The following MGMT variants were observed in gnomAD, a reference collection of about 807,000 sequenced individuals.
MGMT encodes methylated-DNA--protein-cysteine methyltransferase.
In MGMT, 14 loss-of-function variants were observed where a neutral mutation model predicts 15.9. The ratio of observed to expected loss-of-function variants is 0.88; its 90% CI spans 0.58 to 1.37. The LOEUF (loss-of-function observed/expected upper bound fraction) is 1.37, where lower values mean the gene tolerates loss of function less well. Ranked by LOEUF, MGMT falls within the 40% of genes most tolerant of loss-of-function variation. MGMT has a pLI of 0.00. For missense variants in MGMT, 282 were observed against 268.1 expected (o/e 1.05, Z -0.36); for synonymous variants, 130 against 118.2 (o/e 1.10, Z -0.65).
intron 2 of MGMT, among the ~76,000 whole-genome samples, chr10:129,600,456 A>G (rs996783545): frequency 6.6e-6 from 1 of 152,230 alleles, no homozygotes; most frequent in Non-Finnish European, 1.5e-5. Context: ...ACCCATTCTC[A>G]TTAATAGACC....
chr10:129,594,419 G>A (rs561681066), intron 2 of MGMT, among the ~76,000 whole-genome samples: 14 of 152,278 alleles, frequency 9.2e-5, no homozygotes, highest in African/African-American at 2.4e-4. Context: ...AGATTACTAA[G>A]GCATATTAAA....
chr10:129,638,429 C>CAAAAAAAAAAGAAAAAAAAA (rs1847286542), intron 2 of MGMT, among the ~76,000 whole-genome samples: 1 of 61,756 alleles, frequency 1.6e-5, no homozygotes, highest in Non-Finnish European at 3.3e-5. Context: ...ACCAAAGAGG[C>CAAAAAAAAAAGAAAAAAAAA]AAAAAAAAAA....
At chr10:129,601,630 A>G (rs1383734517) in intron 2 of MGMT, among the ~76,000 whole-genome samples, 1 of 152,178 alleles carries the variant, frequency 6.6e-6, no homozygotes, top group African/African-American at 2.4e-5. Flanking sequence ...AGTGGCAGAA[A>G]TCCAACCATG....
At position 129,722,189 on chromosome 10, in the gene MGMT, A is replaced by C. The variant is rs142044307; in HGVS notation, c.274+14146A>C. ...TTGAAAATAACTATTAAAACCAATA[A>C]GTGAATTTGAGAAGTTTGAGGATAC... On this transcript the variant is annotated intron_variant, in intron 3 of 4. Coordinates refer to ENST00000651593, the MANE Select transcript of MGMT (RefSeq NM_002412.5). Among the ~76,000 whole-genome samples, 530 of 152,336 alleles carry C rather than the reference A, an allele frequency of 3.5e-3. 5 individuals are homozygous for C. Among genetic ancestry groups the C allele is most frequent in the African/African-American group, 0.01 (426 of 41,598 alleles).
intron 1 of MGMT, among the ~76,000 whole-genome samples, chr10:129,505,139 G>A (rs1305057739): frequency 6.6e-6 from 1 of 152,118 alleles, no homozygotes; most frequent in African/African-American, 2.4e-5. Context: ...AATTGCTCAG[G>A]AAAAATATAA....
At chr10:129,646,755 T>TATATA (rs375027874) in intron 2 of MGMT, among the ~76,000 whole-genome samples, 11 of 78,460 alleles carry the variant, frequency 1.4e-4, no homozygotes, top group African/African-American at 4.1e-4. Context: ...TATATATATA[T>TATATA]TTTCAGGGAA....
At chr10:129,655,964 C>T (rs901920157) in intron 2 of MGMT, among the ~76,000 whole-genome samples, 12 of 152,110 alleles carry the variant, frequency 7.9e-5, no homozygotes, top group African/African-American at 2.9e-4. Flanking sequence ...ATAGCTTAGC[C>T]GGGCAGCAGT....
intron 2 of MGMT, among the ~76,000 whole-genome samples, chr10:129,625,183 T>G (rs1186325848): frequency 6.6e-6 from 1 of 152,118 alleles, no homozygotes; most frequent in Non-Finnish European, 1.5e-5. Flanking sequence ...TGTCAGAGCT[T>G]AACAATTTAA....
chr10:129,660,561 C>A (rs1413067197), intron 2 of MGMT, among the ~76,000 whole-genome samples: 1 of 152,178 alleles, frequency 6.6e-6, no homozygotes, highest in African/African-American at 2.4e-5. Flanking sequence ...TTTTCTGTCC[C>A]AGCAGCCTTG....
At chr10:129,500,021 A>G (rs1188716732) in intron 1 of MGMT, among the ~76,000 whole-genome samples, 2 of 152,228 alleles carry the variant, frequency 1.3e-5, no homozygotes, top group East Asian at 3.8e-4. Context: ...CCTACTGTAT[A>G]TTAATAGGTT....
At chr10:129,557,114 A>G (rs1846222862) in intron 2 of MGMT, among the ~76,000 whole-genome samples, 1 of 152,204 alleles carries the variant, frequency 6.6e-6, no homozygotes, top group African/African-American at 2.4e-5. Flanking sequence ...TCCTCTCATT[A>G]TCCAAATACA....
At chr10:129,554,519 C>T (rs143248828) in intron 2 of MGMT, among the ~76,000 whole-genome samples, 4 of 152,192 alleles carry the variant, frequency 2.6e-5, no homozygotes, top group Non-Finnish European at 5.9e-5. Flanking sequence ...CCTGGTGAAC[C>T]TCTATGTTTT....
intron 2 of MGMT, among the ~76,000 whole-genome samples, chr10:129,657,082 C>G (rs185610095): frequency 1.6e-3 from 240 of 152,246 alleles, no homozygotes; most frequent in Middle Eastern, 6.8e-3. Context: ...TTAGCAAGTT[C>G]TAAGTAACTG....
At chr10:129,704,994 C>A (rs1023583327) in intron 2 of MGMT, among the ~76,000 whole-genome samples, 1 of 152,172 alleles carries the variant, frequency 6.6e-6, no homozygotes, top group Admixed American at 6.5e-5. Context: ...TCTCTTTCCC[C>A]CACATCTCCC....
chr10:129,567,027 C>T (rs1381951707), intron 2 of MGMT, among the ~76,000 whole-genome samples: 1 of 152,132 alleles, frequency 6.6e-6, no homozygotes, highest in African/African-American at 2.4e-5. Flanking sequence ...CGTCTTGATG[C>T]CCTGGCTCCC....
intron 4 of MGMT, among the ~76,000 whole-genome samples, chr10:129,761,560 C>T (rs1212905981): frequency 6.6e-6 from 1 of 152,230 alleles, no homozygotes; most frequent in South Asian, 2.1e-4. Flanking sequence ...TGACTCTCTT[C>T]TCCTGCTATT....
intron 2 of MGMT, among the ~76,000 whole-genome samples, chr10:129,608,094 G>A (rs1846913873): frequency 6.6e-6 from 1 of 152,180 alleles, no homozygotes; most frequent in Admixed American, 6.5e-5. Context: ...TCTTGTATCA[G>A]CATCCAAAAC....
At chr10:129,625,608 A>G (rs1362464438) in intron 2 of MGMT, among the ~76,000 whole-genome samples, 5 of 152,258 alleles carry the variant, frequency 3.3e-5, no homozygotes, top group Non-Finnish European at 7.3e-5. Flanking sequence ...GATAATGATC[A>G]TAGTAACCAA....
chr10:129,589,832 C>T (rs961490185), intron 2 of MGMT, among the ~76,000 whole-genome samples: 7 of 152,176 alleles, frequency 4.6e-5, no homozygotes, highest in African/African-American at 1.7e-4. Flanking sequence ...CTGGGAGCCG[C>T]GTGAAAATCA....
Sources: gnomAD v4.1 joint callset for allele counts (sites outside exome capture counted in the v4.1 genomes callset) on GRCh38, gnomAD v4.1.1 for gene constraint, MANE v1.5 for transcripts, NCBI Gene and HGNC (gene_info 2026-07-23, HGNC 2026-07-21) for gene names.